Variants in PCP4L1 observed in about 807,000 individuals in gnomAD.
PCP4L1 encodes the protein Purkinje cell protein 4-like protein 1.
PCP4L1 carries 9 observed loss-of-function variants against 9.6 expected under a neutral mutation model. The ratio of observed to expected loss-of-function variants is 0.94; its 90% confidence interval spans 0.57 to 1.64. The LOEUF is 1.64. Among genes scored for constraint, PCP4L1 ranks in the 40% most tolerant of loss-of-function variants. PCP4L1 has a pLI of 0.00. For synonymous variants in PCP4L1, 31 were observed against 28.2 expected (o/e 1.10, Z -0.31); for missense variants, 81 against 80.8 (o/e 1.00, Z -0.01).
chr1:161,268,440 A>T (rs1490252531), intron 1 of PCP4L1, among the ~76,000 whole-genome samples: 1 of 152,032 alleles, frequency 6.6e-6, no homozygotes, highest in African/African-American at 2.4e-5. Context: ...CAGCATCTTG[A>T]CCTAAACCTA....
intron 1 of PCP4L1, among the ~76,000 whole-genome samples, chr1:161,277,960 G>A (rs1669728744): frequency 6.6e-6 from 1 of 151,980 alleles, no homozygotes; most frequent in Non-Finnish European, 1.5e-5. Context: ...TTCCTATATT[G>A]TAGATAAACT....
At chr1:161,269,809 G>C (rs1669591809) in intron 1 of PCP4L1, among the ~76,000 whole-genome samples, 1 of 152,070 alleles carries the variant, frequency 6.6e-6, no homozygotes, top group Non-Finnish European at 1.5e-5. Context: ...GACCAGCCTG[G>C]GCAACATGGC....
Position 161,284,530 on chromosome 1 carries a change from C to T in PCP4L1, c.*49C>T. The T allele has an allele frequency of 1.9e-6, 3 of 1,587,750 alleles. No individual in the cohort carries two copies. Among genetic ancestry groups the T allele is most frequent in the East Asian group, 2.3e-5 (1 of 43,910 alleles). ...TCACCTTCATGCTGGTCCCTTCTCTCCCCTTCTCCACACCCATGTATCTTT... is the reference window on the plus strand; with the variant it reads ...TCACCTTCATGCTGGTCCCTTCTCTTCCCTTCTCCACACCCATGTATCTTT... On this transcript the variant is annotated 3_prime_UTR_variant, in exon 3 of 3. Coordinates refer to ENST00000504449, the MANE Select transcript of PCP4L1 (RefSeq NM_001102566.2).
chr1:161,284,541 C>G lies in PCP4L1; in HGVS notation c.*60C>G, dbSNP rs1669876570. 3.3e-5 allele frequency: 52 copies of G among 1,574,928 alleles called. No individual in the cohort carries two copies. The South Asian group carries it at 6.0e-4, about 18-fold the overall frequency. Reference sequence around the variant, plus strand: ...CTGGTCCCTTCTCTCCCCTTCTCCACACCCATGTATCTTTATCCCTTGTCC... The same window carrying G: ...CTGGTCCCTTCTCTCCCCTTCTCCAGACCCATGTATCTTTATCCCTTGTCC... On this transcript the variant is annotated 3_prime_UTR_variant, in exon 3 of 3. Coordinates refer to ENST00000504449, the MANE Select transcript of PCP4L1 (RefSeq NM_001102566.2).
At chr1:161,271,716 C>A (rs1163368781) in intron 1 of PCP4L1, among the ~76,000 whole-genome samples, 3 of 152,164 alleles carry the variant, frequency 2.0e-5, no homozygotes. Flanking sequence ...GTTGGCCAGG[C>A]TGGTCTCCAA....
chr1:161,266,932 A>G (rs75085556), intron 1 of PCP4L1, among the ~76,000 whole-genome samples: 8,435 of 152,234 alleles, frequency 0.055, 329 homozygotes, highest in Middle Eastern at 0.082. Flanking sequence ...GTTTTTTAGC[A>G]GTTACTTTCA....
At chr1:161,280,219 TAGGG>T (rs1195144046) in intron 1 of PCP4L1, among the ~76,000 whole-genome samples, 3 of 152,196 alleles carry the variant, frequency 2.0e-5, no homozygotes, top group Non-Finnish European at 4.4e-5. Context: ...TAGAAGCAGT[TAGGG>T]AGACCCTCCA....
chr1:161,258,907 C>G lies in PCP4L1; in HGVS notation c.-68C>G. On this transcript the variant is annotated 5_prime_UTR_variant, in exon 1 of 3. Transcript: ENST00000504449. ...CCCGGCAACTTTCAGCTGTCGCCCGCGGAGCCCCGAGGGCCACTCGCCTCA... is the reference window on the plus strand; with the variant it reads ...CCCGGCAACTTTCAGCTGTCGCCCGGGGAGCCCCGAGGGCCACTCGCCTCA... The G allele has an allele frequency of 6.5e-7, 1 of 1,534,422 alleles. No individual in the cohort carries two copies. Among genetic ancestry groups the G allele is most frequent in the South Asian group, 1.2e-5 (1 of 83,998 alleles).
intron 1 of PCP4L1, among the ~76,000 whole-genome samples, chr1:161,273,936 T>C (rs1669663387): frequency 6.6e-6 from 1 of 152,156 alleles, no homozygotes; most frequent in South Asian, 2.1e-4. Context: ...AGAGATAGTG[T>C]AGGATAATGA....
chr1:161,263,151 T>C (rs1669448475), intron 1 of PCP4L1, among the ~76,000 whole-genome samples: 1 of 152,246 alleles, frequency 6.6e-6, no homozygotes, highest in Admixed American at 6.5e-5. Flanking sequence ...GGCACTGTAC[T>C]TCTGACTTCT....
chr1:161,269,504 CT>C (rs1483002660), intron 1 of PCP4L1, among the ~76,000 whole-genome samples: 2 of 152,056 alleles, frequency 1.3e-5, no homozygotes, highest in African/African-American at 4.8e-5. Context: ...AGAGAGCTCC[CT>C]TCATTTATTT....
At chr1:161,274,441 T>A (rs1669669566) in intron 1 of PCP4L1, among the ~76,000 whole-genome samples, 1 of 152,088 alleles carries the variant, frequency 6.6e-6, no homozygotes, top group Non-Finnish European at 1.5e-5. Context: ...AGCTGAGAAG[T>A]GCTGACCTGT....
intron 1 of PCP4L1, among the ~76,000 whole-genome samples, chr1:161,266,220 T>G (rs1669528068): frequency 6.6e-6 from 1 of 152,208 alleles, no homozygotes; most frequent in African/African-American, 2.4e-5. Context: ...CGTTCTGTTG[T>G]CCTTGGTGCT....
At chr1:161,281,124 C>T (rs1669788369) in intron 1 of PCP4L1, among the ~76,000 whole-genome samples, 1 of 152,120 alleles carries the variant, frequency 6.6e-6, no homozygotes. Flanking sequence ...CCTGAGTGGA[C>T]ACAGCACATG....
intron 1 of PCP4L1, among the ~76,000 whole-genome samples, chr1:161,259,686 T>TG (rs1386963982): frequency 6.6e-6 from 1 of 151,346 alleles, no homozygotes; most frequent in Non-Finnish European, 1.5e-5. Context: ...GGTGGGGGAG[T>TG]GGGGGGTCAA....
chr1:161,259,688 G>A (rs1669385724), intron 1 of PCP4L1, among the ~76,000 whole-genome samples: 3 of 152,208 alleles, frequency 2.0e-5, no homozygotes, highest in Admixed American at 2.0e-4. Flanking sequence ...TGGGGGAGTG[G>A]GGGGTCAAAG....
intron 1 of PCP4L1, among the ~76,000 whole-genome samples, chr1:161,281,583 A>T (rs1669804525): frequency 6.8e-6 from 1 of 147,474 alleles, no homozygotes; most frequent in African/African-American, 2.5e-5. Context: ...TCCCTCCCGG[A>T]CGGGGCAGCT....
chr1:161,270,913 T>A (rs1321329690), intron 1 of PCP4L1, among the ~76,000 whole-genome samples: 2 of 150,796 alleles, frequency 1.3e-5, no homozygotes, highest in Admixed American at 1.3e-4. Flanking sequence ...GAGATCCCTC[T>A]CCCCTTCTAC....
chr1:161,283,905 A>G (rs1669864387), intron 2 of PCP4L1, among the ~76,000 whole-genome samples, 183 bp downstream of exon 2: 2 of 152,206 alleles, frequency 1.3e-5, no homozygotes, highest in African/African-American at 4.8e-5. Context: ...TTTTTCCTAG[A>G]AAGTAAACGA....
Sources: allele counts gnomAD v4.1 joint callset (sites outside exome capture counted in the v4.1 genomes callset), GRCh38; gene constraint gnomAD v4.1.1; transcripts MANE v1.5; gene names NCBI Gene and HGNC (gene_info 2026-07-23, HGNC 2026-07-21).